Variants in VPS13D observed in about 807,000 individuals in gnomAD.
VPS13D encodes intermembrane lipid transfer protein VPS13D.
Under a neutral mutation model 461.9 loss-of-function variants are expected in VPS13D, and 187 were observed. That is an observed-to-expected ratio of 0.40 (90% CI 0.36 to 0.46). The LOEUF is 0.46. Among genes scored for constraint, VPS13D ranks in the 20% least tolerant of loss-of-function variants. VPS13D has a pLI of 0.60. For missense variants in VPS13D, 4,711 were observed against 5,364.9 expected, an observed-to-expected ratio of 0.88 and a Z score of 3.81; for synonymous variants, 1,951 against 1,986.3, an observed-to-expected ratio of 0.98 and a Z score of 0.47.
At chr1:12,270,238 C>G (rs769325896) in intron 16 of VPS13D, among the ~76,000 whole-genome samples, 151 of 152,160 alleles carry the variant, frequency 9.9e-4, no homozygotes, top group South Asian at 3.5e-3. Context: ...AGGCGGATCA[C>G]TAGAGGTCAG....
chr1:12,368,171 AT>A, intron 52 of VPS13D, among the ~76,000 whole-genome samples: 1 of 152,338 alleles, frequency 6.6e-6, no homozygotes, highest in East Asian at 1.9e-4. Flanking sequence ...TTTTCTGTAT[AT>A]ATACACACAC....
At chr1:12,311,261 T>G (rs551115348) in intron 27 of VPS13D, among the ~76,000 whole-genome samples, 193 bp from the exon 28 acceptor site, 1 of 152,198 alleles carries the variant, frequency 6.6e-6, no homozygotes, top group Non-Finnish European at 1.5e-5. Context: ...AAAAGGGGCT[T>G]TTTGTAGTTG....
intron 21 of VPS13D, among the ~76,000 whole-genome samples, chr1:12,286,787 C>A (rs1238609114): frequency 6.6e-6 from 1 of 152,144 alleles, no homozygotes; most frequent in Admixed American, 6.5e-5. Context: ...TGGTTGGATT[C>A]CTCCAAACAA....
At chr1:12,477,529 T>C (rs1168764216) in intron 67 of VPS13D, among the ~76,000 whole-genome samples, 1 of 152,130 alleles carries the variant, frequency 6.6e-6, no homozygotes, top group Non-Finnish European at 1.5e-5. Flanking sequence ...TCTAGAACAT[T>C]CCAGGAAAGC....
chr1:12,485,624 T>C (rs905670449), intron 67 of VPS13D, among the ~76,000 whole-genome samples: 4 of 152,206 alleles, frequency 2.6e-5, no homozygotes, highest in African/African-American at 9.7e-5. Flanking sequence ...AGAATGTAAC[T>C]TGAGACATCA....
rs757964463 is a variant in VPS13D at position 12,497,519 on chromosome 1, C to T, written c.12682C>T (p.Arg4228Trp). The change falls in exon 68 of 70, where the codon CGG becomes TGG. Residue 4228 changes from arginine to tryptophan, a missense_variant. Coordinates refer to ENST00000620676, the MANE Select transcript of VPS13D (RefSeq NM_015378.4). ...ATCTAGGACTCAAGCACAGAGGGTTCGGAAACCGCGTTGCTGCACGGGGCC... is the reference window on the plus strand; with the variant it reads ...ATCTAGGACTCAAGCACAGAGGGTTTGGAAACCGCGTTGCTGCACGGGGCC... ...SGPRTQAQRV[R>W]KPRCCTGPQG... The T allele has an allele frequency of 1.2e-6, 2 of 1,613,902 alleles. No individual in the cohort carries two copies. The highest frequency in any genetic ancestry group is 1.7e-6 in the Non-Finnish European group (2 of 1,179,878).
At chr1:12,238,513 C>T (rs1482640641) in intron 2 of VPS13D, among the ~76,000 whole-genome samples, 4 of 151,458 alleles carry the variant, frequency 2.6e-5, no homozygotes, top group Non-Finnish European at 5.9e-5. Flanking sequence ...TTTTTTTTTC[C>T]TCCACCTCAA....
chr1:12,323,918 A>G, intron 35 of VPS13D, 138 bp downstream of exon 35: 9 of 825,302 alleles, frequency 1.1e-5, no homozygotes, highest in Non-Finnish European at 5.9e-6. Context: ...TCTGGACTGC[A>G]TATCATCTTA....
At chr1:12,408,777 G>T (rs879613862) in intron 63 of VPS13D, among the ~76,000 whole-genome samples, 22 of 152,194 alleles carry the variant, frequency 1.4e-4, no homozygotes, top group Non-Finnish European at 2.4e-4. Context: ...CCTTATCTTT[G>T]TAGCATCCTC....
In VPS13D at chr1:12,283,152, A is replaced by G. The variant is rs780409504; in HGVS notation, c.5050A>G (p.Lys1684Glu). The G allele has an allele frequency of 1.9e-6, 3 of 1,614,048 alleles. No homozygotes were observed. In the African/African-American group the frequency reaches 4.0e-5, roughly 22 times the overall value. ...CTTATTGGAGAAGAATCCAGATTCT[A>G]AATATAAGAACCTGATGGTGTCTCG... ...EDLLEKNPDSKYKNLMVSRGA... is the reference protein window; with the variant it reads ...EDLLEKNPDSEYKNLMVSRGA... Residue 1684 changes from lysine (K) to glutamate (E), a missense_variant, in exon 21 of 70, where the codon AAA (lysine) becomes GAA (glutamate). Physicochemically the swap from Lys to Glu is moderately conservative, Grantham distance 56. This residue lies in a region of VPS13D where 4,411 missense variants were observed against 4,937.8 expected (regional missense o/e 0.89). Transcript: ENST00000620676.
chr1:12,377,905 A>C (rs965005542), intron 55 of VPS13D, among the ~76,000 whole-genome samples: 5 of 152,152 alleles, frequency 3.3e-5, no homozygotes, highest in African/African-American at 1.2e-4. Flanking sequence ...TGATACAATC[A>C]ATTCATGAAA....
chr1:12,256,580 C>T (rs77876775), intron 8 of VPS13D, 77 bp downstream of exon 8: 16,125 of 1,507,912 alleles, frequency 0.011, 95 homozygotes, highest in Non-Finnish European at 0.013. Context: ...ATTAACGTAT[C>T]CTCAGCAGGA....
intron 37 of VPS13D, among the ~76,000 whole-genome samples, chr1:12,331,103 G>T (rs999163862): frequency 6.6e-6 from 1 of 152,180 alleles, no homozygotes; most frequent in African/African-American, 2.4e-5. Flanking sequence ...CAAGGTAAGA[G>T]CCTATACATA....
At chr1:12,234,048 A>G (rs921147308) in intron 1 of VPS13D, 143 bp from the exon 2 acceptor site, 4 of 404,288 alleles carry the variant, frequency 9.9e-6, no homozygotes, top group African/African-American at 8.1e-5. Context: ...AACTGTCTCA[A>G]AACAAAAACA....
intron 21 of VPS13D, among the ~76,000 whole-genome samples, chr1:12,284,159 T>C (rs984037195): frequency 7.9e-5 from 12 of 152,348 alleles, no homozygotes; most frequent in Admixed American, 7.8e-4. Flanking sequence ...TTTGCTTGCA[T>C]TGAGGGCAAC....
At chr1:12,379,287 A>G (rs1644241586) in intron 56 of VPS13D, among the ~76,000 whole-genome samples, 1 of 152,140 alleles carries the variant, frequency 6.6e-6, no homozygotes, top group Non-Finnish European at 1.5e-5. Flanking sequence ...TCCCCTCTTC[A>G]TGTTTTTCCA....
At chr1:12,270,739 G>A (rs1408448971) in intron 16 of VPS13D, among the ~76,000 whole-genome samples, 1 of 152,058 alleles carries the variant, frequency 6.6e-6, no homozygotes, top group Non-Finnish European at 1.5e-5. Context: ...CCTTGAGACA[G>A]GGTCTTGCTC....
chr1:12,333,579 G>T (rs1002139455), intron 38 of VPS13D, among the ~76,000 whole-genome samples: 3 of 152,204 alleles, frequency 2.0e-5, no homozygotes, highest in African/African-American at 7.2e-5. Flanking sequence ...CAGTGGTTAA[G>T]CAAGAACTTA....
rs1443822081 is a variant in VPS13D, at chr1:12,336,222, T to G, written c.8551+395T>G. The stretch of plus-strand genomic sequence containing the variant: ...AAAGCATCTAAAATGGTCTTCTAAA[T>G]CTAGAGATAGAGGGTTTGGACATAT... On this transcript the variant is annotated intron_variant, in intron 39 of 69. Coordinates refer to ENST00000620676, the MANE Select transcript of VPS13D (RefSeq NM_015378.4). The G allele has an allele frequency of 2.0e-5, 4 of 197,692 alleles. No homozygotes were observed. In the South Asian group the frequency reaches 2.8e-4, roughly 14 times the overall value. The allele number at this position is 197,692 out of a possible 1,614,324, so 12.2% of individuals were successfully genotyped here. A position where few individuals can be genotyped will look rare whatever the true frequency, so the allele number is the denominator to read the frequency against.
Sources: allele counts gnomAD v4.1 joint callset (sites outside exome capture counted in the v4.1 genomes callset), GRCh38; gene constraint gnomAD v4.1.1; regional missense constraint gnomAD v4.1.1; transcripts MANE v1.5; gene names NCBI Gene and HGNC (gene_info 2026-07-23, HGNC 2026-07-21).